RASGRF2: variants seen among roughly 807,000 people sequenced by gnomAD.
The protein encoded by RASGRF2 is ras-specific guanine nucleotide-releasing factor 2.
RASGRF2 carries 76 observed loss-of-function variants against 151.0 expected under a neutral mutation model. The ratio of observed to expected loss-of-function variants is 0.50; its 90% CI spans 0.42 to 0.61. The LOEUF is 0.61. Among genes scored for constraint, RASGRF2 ranks in the 20% least tolerant of loss-of-function variants. The pLI is 0.00. For synonymous variants in RASGRF2, 504 were observed against 566.5 expected (o/e 0.89, Z 1.57); for missense variants, 1,148 against 1,564.6 (o/e 0.73, Z 4.49).
chr5:81,112,978 C>T, intron 14 of RASGRF2, 120 bp downstream of exon 14: 3 of 1,277,438 alleles, frequency 2.3e-6, no homozygotes, highest in Admixed American at 2.2e-5. Flanking sequence ...TAGCTTGCCT[C>T]TGAATGTACC....
intron 1 of RASGRF2, among the ~76,000 whole-genome samples, chr5:81,040,714 T>C (rs1750652249): frequency 6.6e-6 from 1 of 152,238 alleles, no homozygotes. Context: ...CATTTTTGTT[T>C]CTACACCTGA....
chr5:80,970,380 T>C (rs1188187585), intron 1 of RASGRF2, among the ~76,000 whole-genome samples: 2 of 152,200 alleles, frequency 1.3e-5, no homozygotes, highest in Non-Finnish European at 1.5e-5. Context: ...TCTTGAATAA[T>C]GATCACCTCT....
Position 81,149,942 on chromosome 5 carries a change from C to T in RASGRF2, c.2686+22779C>T, listed in dbSNP as rs528783637. Among the ~76,000 whole-genome samples the T allele has an allele frequency of 1.2e-4, 18 of 152,154 alleles. No individual in the cohort carries two copies. In the South Asian group the frequency reaches 1.9e-3, roughly 16 times the overall value. ...TTCACTCTGAGTACTGTGGGGTGGGCGGAGGATACAGTTAGGAAGCTCCAT... is the reference window on the plus strand; with the variant it reads ...TTCACTCTGAGTACTGTGGGGTGGGTGGAGGATACAGTTAGGAAGCTCCAT... On this transcript the variant is annotated intron_variant, in intron 17 of 26. Transcript: ENST00000265080.
intron 17 of RASGRF2, among the ~76,000 whole-genome samples, chr5:81,176,941 T>C (rs912835445): frequency 1.3e-5 from 2 of 152,160 alleles, no homozygotes; most frequent in African/African-American, 4.8e-5. Context: ...TTTTCCCTGT[T>C]ACGTTCTTTT....
intron 1 of RASGRF2, among the ~76,000 whole-genome samples, chr5:80,968,216 G>A (rs558085416): frequency 2.0e-5 from 3 of 152,320 alleles, no homozygotes; most frequent in South Asian, 4.1e-4. Flanking sequence ...GACTTAGAAA[G>A]TATTTTCCTT....
At chr5:81,044,636 A>G (rs1750780467) in intron 2 of RASGRF2, among the ~76,000 whole-genome samples, 1 of 152,190 alleles carries the variant, frequency 6.6e-6, no homozygotes. Context: ...ATAAGCTAAT[A>G]GGATATTATT....
intron 1 of RASGRF2, among the ~76,000 whole-genome samples, chr5:81,031,033 A>G (rs1262274652): frequency 6.6e-6 from 1 of 152,220 alleles, no homozygotes; most frequent in Non-Finnish European, 1.5e-5. Context: ...TAAATCAACA[A>G]AGATCAAAAG....
chr5:81,130,862 C>A (rs1489807088), intron 17 of RASGRF2, among the ~76,000 whole-genome samples: 1 of 152,126 alleles, frequency 6.6e-6, no homozygotes, highest in South Asian at 2.1e-4. Flanking sequence ...CTTGGGGATG[C>A]AGCTCTGCTG....
At chr5:81,095,104 A>G (rs943448192) in intron 12 of RASGRF2, 112 bp downstream of exon 12, 4 of 718,612 alleles carry the variant, frequency 5.6e-6, no homozygotes, top group African/African-American at 5.5e-5. Context: ...CTCAGTTGCT[A>G]TGGTCACTGC....
chr5:80,972,060 T>A (rs1429781500), intron 1 of RASGRF2, among the ~76,000 whole-genome samples: 3 of 152,086 alleles, frequency 2.0e-5, no homozygotes, highest in Non-Finnish European at 4.4e-5. Flanking sequence ...GTAGTATTCC[T>A]CTGAATGAGT....
chr5:81,113,128 TTTTC>T lies in RASGRF2; in HGVS notation c.2087+286_2087+289del, dbSNP rs893491317. ...AACTCCATTGCTTTCGGCTTTTCTT[TTTTC>T]TTTCTTTCTTTCTTTTTTTTTTTGA... On this transcript the variant is annotated intron_variant, in intron 14 of 26. Coordinates refer to ENST00000265080, the MANE Select transcript of RASGRF2 (RefSeq NM_006909.3). Among the ~76,000 whole-genome samples the T allele has an allele frequency of 8.6e-5, 13 of 151,898 alleles. 1 individual carries two copies. The highest frequency in any genetic ancestry group is 4.1e-4 in the South Asian group (2 of 4,830).
At chr5:81,198,221 G>A (rs1395554750) in intron 18 of RASGRF2, among the ~76,000 whole-genome samples, 1 of 152,046 alleles carries the variant, frequency 6.6e-6, no homozygotes, top group African/African-American at 2.4e-5. Flanking sequence ...CACCCAGATA[G>A]TGAATATAGT....
At chr5:81,070,785 A>T (rs1751750760) in intron 4 of RASGRF2, among the ~76,000 whole-genome samples, 1 of 152,154 alleles carries the variant, frequency 6.6e-6, no homozygotes, top group Non-Finnish European at 1.5e-5. Flanking sequence ...TCTAGGAAGG[A>T]TGCCAAAACC....
intron 15 of RASGRF2, among the ~76,000 whole-genome samples, chr5:81,118,160 G>A (rs153231): frequency 0.43 from 64,879 of 152,128 alleles, 16,004 homozygotes; most frequent in African/African-American, 0.68. Flanking sequence ...CATTGCCCCA[G>A]TGAGGACTCT....
intron 15 of RASGRF2, among the ~76,000 whole-genome samples, chr5:81,117,451 A>G (rs919752694): frequency 1.3e-5 from 2 of 152,206 alleles, no homozygotes; most frequent in African/African-American, 4.8e-5. Flanking sequence ...CACTACTGCA[A>G]TAATGGCATT....
At chr5:81,118,762 G>A (rs1410910641) in intron 15 of RASGRF2, among the ~76,000 whole-genome samples, 1 of 152,142 alleles carries the variant, frequency 6.6e-6, no homozygotes, top group East Asian at 1.9e-4. Flanking sequence ...TTTAAAAGTA[G>A]CCATGCAGCT....
At chr5:81,216,991 A>G (rs1309483993) in intron 24 of RASGRF2, 2 of 459,426 alleles carry the variant, frequency 4.4e-6, no homozygotes, top group Admixed American at 4.7e-5. Flanking sequence ...CTTGATTTAA[A>G]GAGGTAAGAC....
At chr5:81,051,316 T>C (rs1751002672) in intron 2 of RASGRF2, among the ~76,000 whole-genome samples, 1 of 152,220 alleles carries the variant, frequency 6.6e-6, no homozygotes, top group Admixed American at 6.5e-5. Flanking sequence ...TTTTTAAAAA[T>C]ATTTTTTAAA....
chr5:81,060,556 A>G (rs1273465758), intron 2 of RASGRF2, among the ~76,000 whole-genome samples: 8 of 152,068 alleles, frequency 5.3e-5, no homozygotes, highest in South Asian at 2.1e-4. Flanking sequence ...TCTCTCTACT[A>G]CTGTATAAGC....
Sources: gnomAD v4.1 joint callset for allele counts (sites outside exome capture counted in the v4.1 genomes callset) on GRCh38, gnomAD v4.1.1 for gene constraint, MANE v1.5 for transcripts, NCBI Gene and HGNC (gene_info 2026-07-23, HGNC 2026-07-21) for gene names.